Variants in SYNDIG1 observed in about 807,000 individuals in gnomAD.
The protein encoded by SYNDIG1 is synapse differentiation inducing 1, also known as synapse differentiation-inducing gene protein 1.
SYNDIG1 carries 9 observed loss-of-function variants against 19.4 expected under a neutral mutation model. The observed-to-expected ratio is 0.46, with a 90% CI of 0.28 to 0.81. The LOEUF (loss-of-function observed/expected upper bound fraction) is 0.81. Ranked by LOEUF, SYNDIG1 falls within the 30% of genes least tolerant of loss-of-function variation. The probability of loss-of-function intolerance (pLI) is 0.12; values close to 1 mark genes in which losing one functional copy is unlikely to be tolerated. For missense variants in SYNDIG1, 311 were observed against 343.3 expected (o/e 0.91, Z 0.74); for synonymous variants, 141 against 145.9 (o/e 0.97, Z 0.24).
chr20:24,585,055 G>A lies in SYNDIG1; in HGVS notation c.618+62G>A, dbSNP rs1176081715. 42 of 685,234 alleles carry A rather than the reference G, an allele frequency of 6.1e-5. 3 individuals carry two copies. Among genetic ancestry groups the A allele is most frequent in the Non-Finnish European group, 8.7e-5 (35 of 403,290 alleles). The allele number at this position is 685,234 out of a possible 1,614,324, so 42.4% of individuals were successfully genotyped here. ...GTGTTCACAGGGTGGGGGTGGGGGCGGCAATCCCAGCCGAGGAGGAGAAGC... is the reference window on the plus strand; with the variant it reads ...GTGTTCACAGGGTGGGGGTGGGGGCAGCAATCCCAGCCGAGGAGGAGAAGC... On this transcript the variant is annotated intron_variant, in intron 3 of 3. Coordinates refer to ENST00000376862, the MANE Select transcript of SYNDIG1 (RefSeq NM_024893.3).
intron 2 of SYNDIG1, among the ~76,000 whole-genome samples, chr20:24,552,757 C>G (rs2057730645): frequency 1.3e-5 from 2 of 152,162 alleles, no homozygotes; most frequent in Non-Finnish European, 2.9e-5. Context: ...GTGAATAGTG[C>G]TGCAATAAAC....
chr20:24,530,795 G>GT (rs2057240715), intron 1 of SYNDIG1, among the ~76,000 whole-genome samples: 1 of 148,848 alleles, frequency 6.7e-6, no homozygotes, highest in African/African-American at 2.5e-5. Context: ...TTGTTTGTTT[G>GT]TTTTTTGGGT....
intron 3 of SYNDIG1, among the ~76,000 whole-genome samples, chr20:24,612,038 A>G (rs2058856243): frequency 1.3e-5 from 2 of 152,222 alleles, no homozygotes; most frequent in Non-Finnish European, 2.9e-5. Context: ...AGAGCAAGAA[A>G]AATATTGTCC....
intron 2 of SYNDIG1, among the ~76,000 whole-genome samples, chr20:24,554,898 C>T (rs938853099): frequency 6.6e-6 from 1 of 151,728 alleles, no homozygotes; most frequent in African/African-American, 2.4e-5. Context: ...CCTCCTTGTA[C>T]CTCTGGTAGA....
At chr20:24,537,164 C>T (rs1026421393) in intron 1 of SYNDIG1, among the ~76,000 whole-genome samples, 4 of 152,202 alleles carry the variant, frequency 2.6e-5, no homozygotes, top group African/African-American at 9.7e-5. Context: ...TCCTCTGCTT[C>T]CTAAACACTA....
chr20:24,537,297 T>G (rs1259069892), intron 1 of SYNDIG1, among the ~76,000 whole-genome samples: 2 of 152,158 alleles, frequency 1.3e-5, no homozygotes, highest in Non-Finnish European at 2.9e-5. Flanking sequence ...CTATAATGAA[T>G]CACATGCACC....
At chr20:24,524,706 G>T (rs2057084264) in intron 1 of SYNDIG1, among the ~76,000 whole-genome samples, 2 of 151,924 alleles carry the variant, frequency 1.3e-5, no homozygotes, top group Admixed American at 6.6e-5. Context: ...CTTCCATTAA[G>T]ATTCTTTTTG....
chr20:24,649,566 G>A (rs2059450283), intron 3 of SYNDIG1, among the ~76,000 whole-genome samples: 1 of 152,112 alleles, frequency 6.6e-6, no homozygotes, highest in African/African-American at 2.4e-5. Context: ...CTTACTCGCT[G>A]GTTTATTAAT....
chr20:24,492,158 C>A (rs916547064), intron 1 of SYNDIG1, among the ~76,000 whole-genome samples: 2 of 129,396 alleles, frequency 1.5e-5, no homozygotes, highest in East Asian at 4.0e-4. Flanking sequence ...ACCGCAGGGA[C>A]GCTGGGGAGA....
At chr20:24,541,711 T>A (rs907237163) in intron 1 of SYNDIG1, among the ~76,000 whole-genome samples, 6 of 151,930 alleles carry the variant, frequency 3.9e-5, no homozygotes, top group African/African-American at 1.4e-4. Context: ...AAATAAAGAG[T>A]CAGGCAGGAG....
intron 3 of SYNDIG1, among the ~76,000 whole-genome samples, chr20:24,597,546 A>G (rs1167821128): frequency 6.6e-6 from 1 of 152,008 alleles, no homozygotes; most frequent in East Asian, 1.9e-4. Context: ...TGTTTCCTGG[A>G]GGCTCTGAGA....
At chr20:24,534,420 C>T (rs941383411) in intron 1 of SYNDIG1, among the ~76,000 whole-genome samples, 3 of 152,190 alleles carry the variant, frequency 2.0e-5, no homozygotes, top group African/African-American at 4.8e-5. Flanking sequence ...CAGGCCTGTG[C>T]CCTCCCTCTC....
chr20:24,508,026 CGAA>C (rs1263876235), intron 1 of SYNDIG1, among the ~76,000 whole-genome samples: 3 of 151,780 alleles, frequency 2.0e-5, no homozygotes, highest in Non-Finnish European at 4.4e-5. Context: ...GGCCAAACTA[CGAA>C]GAAGTGTTCT....
chr20:24,484,320 C>A (rs2055896009), intron 1 of SYNDIG1, among the ~76,000 whole-genome samples: 1 of 152,152 alleles, frequency 6.6e-6, no homozygotes. Flanking sequence ...GTAACTGTAA[C>A]CTCAGGGGTG....
intron 2 of SYNDIG1, among the ~76,000 whole-genome samples, chr20:24,545,593 C>A (rs979782565): frequency 6.6e-6 from 1 of 152,076 alleles, no homozygotes; most frequent in African/African-American, 2.4e-5. Flanking sequence ...AGGAGCCCTC[C>A]CCCGGCTGAG....
chr20:24,491,354 AG>A (rs1345137825), intron 1 of SYNDIG1: 1 of 152,282 alleles, frequency 6.6e-6, no homozygotes, highest in Non-Finnish European at 1.5e-5. Flanking sequence ...GTCTTTTTGC[AG>A]GGCCAGTCAT....
chr20:24,625,883 C>T (rs2059117950), intron 3 of SYNDIG1, among the ~76,000 whole-genome samples: 1 of 152,408 alleles, frequency 6.6e-6, no homozygotes. Flanking sequence ...GTTGGGTACA[C>T]CTCCCAGACG....
At chr20:24,629,094 T>C (rs2059202162) in intron 3 of SYNDIG1, among the ~76,000 whole-genome samples, 1 of 152,144 alleles carries the variant, frequency 6.6e-6, no homozygotes, top group Non-Finnish European at 1.5e-5. Flanking sequence ...GCTTGGACAG[T>C]GGAGGTGAAT....
chr20:24,526,840 C>T (rs6076235), intron 1 of SYNDIG1, among the ~76,000 whole-genome samples: 113,473 of 152,080 alleles, frequency 0.75, 42,561 homozygotes, highest in African/African-American at 0.82. Context: ...GTTAATATCT[C>T]TCAATATATT....
Sources: allele counts gnomAD v4.1 joint callset (sites outside exome capture counted in the v4.1 genomes callset), GRCh38; gene constraint gnomAD v4.1.1; transcripts MANE v1.5; gene names NCBI Gene and HGNC (gene_info 2026-07-23, HGNC 2026-07-21).